PRKG2: variants seen among roughly 807,000 people sequenced by gnomAD.
PRKG2 encodes protein kinase cGMP-dependent 2, also known as cGMP-dependent protein kinase 2.
Under a neutral mutation model 97.2 loss-of-function variants are expected in PRKG2, and 33 were observed. The observed-to-expected ratio is 0.34, with a 90% CI of 0.26 to 0.45. PRKG2 has a LOEUF of 0.45. PRKG2 is among the 20% of genes least tolerant of loss of function. The pLI, the probability that PRKG2 is intolerant of heterozygous loss-of-function variation, is 1.00. For missense variants in PRKG2, 638 were observed against 900.0 expected, an observed-to-expected ratio of 0.71 and a Z score of 3.73; for synonymous variants, 330 against 321.8, an observed-to-expected ratio of 1.03 and a Z score of -0.27.
At chr4:81,157,562 C>G (rs1238419247) in intron 6 of PRKG2, among the ~76,000 whole-genome samples, 1 of 152,176 alleles carries the variant, frequency 6.6e-6, no homozygotes, top group African/African-American at 2.4e-5. Context: ...AAGAGGGAAT[C>G]CTCCCTAACT....
intron 1 of PRKG2, among the ~76,000 whole-genome samples, chr4:81,212,548 A>C (rs1230394652): frequency 1.3e-5 from 2 of 152,196 alleles, no homozygotes; most frequent in Non-Finnish European, 2.9e-5. Context: ...AATGAGGAGC[A>C]GATTTGAGGG....
chr4:81,149,060 C>T (rs1748130585), intron 8 of PRKG2, 108 bp from the exon 9 acceptor site: 2 of 1,043,770 alleles, frequency 1.9e-6, no homozygotes, highest in African/African-American at 1.6e-5. Context: ...ATCACTTACA[C>T]CTCCCAAAAA....
chr4:81,154,109 G>C (rs1252037295), intron 6 of PRKG2: 2 of 172,772 alleles, frequency 1.2e-5, no homozygotes, highest in African/African-American at 4.8e-5. Context: ...CACCTGGCTC[G>C]GAGGGTCCTA....
At position 81,099,345 on chromosome 4, in the gene PRKG2, A is replaced by G. The variant is rs374585402; in HGVS notation, c.2126+5025T>C. On this transcript the variant is annotated intron_variant, in intron 17 of 18. Coordinates refer to ENST00000264399, the MANE Select transcript of PRKG2 (RefSeq NM_006259.3). Reference sequence around the variant, plus strand: ...ACTGGCAAACCGAATCCAGCAGCACATCAAAAAGCTTATCCACCATGATCA... The same window carrying G: ...ACTGGCAAACCGAATCCAGCAGCACGTCAAAAAGCTTATCCACCATGATCA... Among the ~76,000 whole-genome samples the G allele has an allele frequency of 1.2e-4, 19 of 152,280 alleles. No individual in the cohort carries two copies. In the East Asian group the frequency reaches 3.5e-3, roughly 28 times the overall value.
chr4:81,183,713 C>G (rs543983997), intron 2 of PRKG2, among the ~76,000 whole-genome samples: 1 of 152,272 alleles, frequency 6.6e-6, no homozygotes, highest in East Asian at 1.9e-4. Flanking sequence ...GATCCCACCC[C>G]CACAGAGACC....
intron 14 of PRKG2, among the ~76,000 whole-genome samples, chr4:81,118,925 G>T (rs1744812096): frequency 6.6e-6 from 1 of 152,136 alleles, no homozygotes; most frequent in Non-Finnish European, 1.5e-5. Flanking sequence ...CTCCCAAGTA[G>T]CTGGGACTGC....
At chr4:81,215,957 G>A (rs1175259593), upstream of PRKG2, among the ~76,000 whole-genome samples, 1 of 151,838 alleles carries the variant, frequency 6.6e-6, no homozygotes, top group East Asian at 1.9e-4. Context: ...TATTTGCTGT[G>A]CTCTGGAGTT....
intron 9 of PRKG2, among the ~76,000 whole-genome samples, chr4:81,147,670 A>G (rs1238533001): frequency 6.6e-6 from 1 of 152,160 alleles, no homozygotes; most frequent in African/African-American, 2.4e-5. Flanking sequence ...GAAATGAGTT[A>G]GAAAGCCTGG....
intron 2 of PRKG2, among the ~76,000 whole-genome samples, chr4:81,192,494 C>T (rs1239553956): frequency 2.6e-5 from 4 of 152,164 alleles, no homozygotes; most frequent in Non-Finnish European, 1.5e-5. Context: ...TCAGGTCTGG[C>T]ACTACCTAGC....
intron 14 of PRKG2, among the ~76,000 whole-genome samples, chr4:81,118,971 G>GT (rs1054756343): frequency 6.6e-6 from 1 of 151,872 alleles, no homozygotes. Flanking sequence ...ATTTTTTTGT[G>GT]TTTTTTGTAG....
chr4:81,130,833 C>T (rs1746102742), intron 14 of PRKG2, among the ~76,000 whole-genome samples: 1 of 152,126 alleles, frequency 6.6e-6, no homozygotes, highest in African/African-American at 2.4e-5. Flanking sequence ...TGCCCCTCCC[C>T]CCACCAAGCT....
chr4:81,159,532 A>C (rs531389059), intron 6 of PRKG2, among the ~76,000 whole-genome samples: 2 of 152,262 alleles, frequency 1.3e-5, no homozygotes, highest in Admixed American at 1.3e-4. Context: ...TAGTTCAACC[A>C]TTGTGGAAGT....
chr4:81,166,290 CA>C (rs1235719653), intron 6 of PRKG2, among the ~76,000 whole-genome samples: 2 of 152,028 alleles, frequency 1.3e-5, no homozygotes, highest in East Asian at 3.9e-4. Context: ...TGTCAACAAT[CA>C]GCCTTGCAGG....
Position 81,098,816 on chromosome 4 carries a change from T to C in PRKG2, c.2126+5554A>G, listed in dbSNP as rs1016825835. On this transcript the variant is annotated intron_variant, in intron 17 of 18. Coordinates refer to ENST00000264399, the MANE Select transcript of PRKG2 (RefSeq NM_006259.3). ...TGATCACAGATCACTATAATAGATA[T>C]AAAAATAATGAAAAGTGTAAAATAT... Among the ~76,000 whole-genome samples the C allele has an allele frequency of 5.3e-5, 8 of 152,060 alleles. No individual in the cohort carries two copies. The East Asian group carries it at 5.8e-4, about 11-fold the overall frequency.
chr4:81,142,911 G>A lies in PRKG2; in HGVS notation c.1290C>T (p.Leu430=). The A allele has an allele frequency of 1.9e-6, 3 of 1,613,198 alleles. No homozygotes were observed. Among genetic ancestry groups the A allele is most frequent in the Non-Finnish European group, 1.7e-6 (2 of 1,179,390 alleles). The change falls in exon 11 of 19, where the codon CTC becomes CTT. Residue 430 remains leucine, a synonymous_variant. Transcript: ENST00000264399. ...CCTTCAGCTGAATCATTTCCAGAGAGAGTGCTTTGGACAGCTTCCAGTTAG... is the reference window on the plus strand; with the variant it reads ...CCTTCAGCTGAATCATTTCCAGAGAAAGTGCTTTGGACAGCTTCCAGTTAG... ...SMSNWKLSKA[L]SLEMIQLKEK... is the part of the protein sequence containing the mutation.
chr4:81,140,676 A>G lies in PRKG2; in HGVS notation c.1408-7T>C, dbSNP rs373184781. 7 of 1,595,008 alleles carry G rather than the reference A, an allele frequency of 4.4e-6. No individual in the cohort carries two copies. The African/African-American group carries it at 5.4e-5, about 12-fold the overall frequency. The stretch of plus-strand genomic sequence containing the variant: ...TCTCATTTTTTACTTTAACCTATGT[A>G]AGAAATGGAAAGATACCTCAAAATT... On this transcript the variant is annotated splice_polypyrimidine_tract_variant and splice_region_variant and intron_variant, in intron 11 of 18. Transcript: ENST00000264399.
intron 2 of PRKG2, among the ~76,000 whole-genome samples, chr4:81,195,332 G>A (rs1462988386): frequency 1.3e-5 from 2 of 152,058 alleles, no homozygotes; most frequent in Non-Finnish European, 2.9e-5. Flanking sequence ...ACGTGGCCTG[G>A]CACCTAGAAA....
rs137892692 is a variant in PRKG2, at chr4:81,120,162, A to G, written c.1777-9551T>C. 1.9e-3 allele frequency among the ~76,000 whole-genome samples: 284 copies of G among 152,342 alleles called. 3 individuals are homozygous for G. The East Asian group carries it at 0.03, about 16-fold the overall frequency. ...AGTCAATCCCAGAAGCCATACTTCA[A>G]CTACTCATACGCTGCTGAATGTTCA... is the stretch of plus-strand genomic sequence containing the variant. On this transcript the variant is annotated intron_variant, in intron 14 of 18. Coordinates refer to ENST00000264399, the MANE Select transcript of PRKG2 (RefSeq NM_006259.3).
chr4:81,096,872 G>A (rs375364207), intron 17 of PRKG2, among the ~76,000 whole-genome samples: 62 of 152,196 alleles, frequency 4.1e-4, no homozygotes, highest in African/African-American at 1.5e-3. Flanking sequence ...ATTTATGAGC[G>A]TTAGGATCAA....
Sources: gnomAD v4.1 joint callset for allele counts (sites outside exome capture counted in the v4.1 genomes callset) on GRCh38, gnomAD v4.1.1 for gene constraint, MANE v1.5 for transcripts, NCBI Gene and HGNC (gene_info 2026-07-23, HGNC 2026-07-21) for gene names.